The following PEAK1 variants were observed in gnomAD, a reference collection of about 807,000 sequenced individuals.
PEAK1 encodes inactive tyrosine-protein kinase PEAK1.
PEAK1 carries 54 observed loss-of-function variants against 124.7 expected under a neutral mutation model. The ratio of observed to expected loss-of-function variants is 0.43; its 90% confidence interval spans 0.35 to 0.54. The LOEUF (loss-of-function observed/expected upper bound fraction) is 0.54. Ranked by LOEUF, PEAK1 falls within the 20% of genes least tolerant of loss-of-function variation. The pLI, the probability that PEAK1 is intolerant of heterozygous loss-of-function variation, is 0.01. For missense variants in PEAK1, 2,046 were observed against 2,134.5 expected (o/e 0.96, Z 0.82); for synonymous variants, 719 against 760.0 (o/e 0.95, Z 0.89).
At position 77,336,692 on chromosome 15, in the gene PEAK1, G is replaced by A. The variant is rs116074513; in HGVS notation, c.-603+28471C>T. 6.6e-3 allele frequency: 2,233 copies of A among 336,770 alleles called. 59 individuals are homozygous for A. Among genetic ancestry groups the A allele is most frequent in the African/African-American group, 0.047 (2,103 of 44,736 alleles). 20.9% of individuals were successfully genotyped at this position (336,770 alleles called of 1,614,324 possible). The stretch of plus-strand genomic sequence containing the variant: ...ATTATATACCTCTATAAAATAAAAT[G>A]AAGATTATCACTGCAACATTATTAA... On this transcript the variant is annotated intron_variant, in intron 2 of 9. Transcript: ENST00000682557.
At chr15:77,203,710 C>CAAA (rs34002668) in intron 6 of PEAK1, among the ~76,000 whole-genome samples, 9 of 124,330 alleles carry the variant, frequency 7.2e-5, no homozygotes, top group African/African-American at 2.7e-4. Context: ...ACTGGACATC[C>CAAA]AAAAAAAAAA....
chr15:77,178,761 C>T, intron 7 of PEAK1, 29 bp downstream of exon 7: 1 of 1,581,198 alleles, frequency 6.3e-7, no homozygotes, highest in East Asian at 2.2e-5. Flanking sequence ...TTAAAAAATT[C>T]CCATATTCTT....
chr15:77,339,869 T>C (rs2066426940), intron 2 of PEAK1, among the ~76,000 whole-genome samples: 1 of 152,206 alleles, frequency 6.6e-6, no homozygotes, highest in Admixed American at 6.5e-5. Flanking sequence ...AAGATACATA[T>C]ATGAAAAATA....
intron 6 of PEAK1, among the ~76,000 whole-genome samples, chr15:77,185,226 T>C (rs964351500): frequency 1.3e-5 from 2 of 152,226 alleles, no homozygotes; most frequent in Admixed American, 1.3e-4. Context: ...GGGAAGACTA[T>C]GAGTCCATAT....
At chr15:77,419,796 G>C (rs868690850) in intron 1 of PEAK1, among the ~76,000 whole-genome samples, 7 of 148,370 alleles carry the variant, frequency 4.7e-5, no homozygotes, top group African/African-American at 7.3e-5. Flanking sequence ...GGGGGTGGCC[G>C]GGGAGCTAGA....
At chr15:77,174,305 T>C (rs1452222933) in intron 7 of PEAK1, among the ~76,000 whole-genome samples, 1 of 152,236 alleles carries the variant, frequency 6.6e-6, no homozygotes, top group East Asian at 1.9e-4. Flanking sequence ...TCATTCCTTA[T>C]ATACAGTTTA....
At chr15:77,339,671 T>C (rs2066416501) in intron 2 of PEAK1, among the ~76,000 whole-genome samples, 2 of 152,278 alleles carry the variant, frequency 1.3e-5, no homozygotes, top group Non-Finnish European at 2.9e-5. Context: ...TTGGACATCA[T>C]TAAAACTTCT....
At chr15:77,188,426 TAAC>T (rs2057659646) in intron 6 of PEAK1, among the ~76,000 whole-genome samples, 1 of 152,194 alleles carries the variant, frequency 6.6e-6, no homozygotes, top group South Asian at 2.1e-4. Flanking sequence ...ACGAATCAGT[TAAC>T]TACTACTAAT....
intron 5 of PEAK1, among the ~76,000 whole-genome samples, chr15:77,269,243 A>T (rs1347939296): frequency 6.6e-6 from 1 of 152,194 alleles, no homozygotes; most frequent in African/African-American, 2.4e-5. Flanking sequence ...ATAAGAATTC[A>T]GTAACTAAGT....
At chr15:77,381,305 C>T (rs961767328) in intron 1 of PEAK1, 47 of 878,964 alleles carry the variant, frequency 5.3e-5, no homozygotes, top group Non-Finnish European at 1.6e-5. Context: ...GTTCAAGTTA[C>T]GTGGGAGACT....
At chr15:77,357,948 T>G (rs915195573) in intron 2 of PEAK1, among the ~76,000 whole-genome samples, 1 of 152,186 alleles carries the variant, frequency 6.6e-6, no homozygotes, top group Non-Finnish European at 1.5e-5. Flanking sequence ...CCTGTTGCCT[T>G]TTCCCACATA....
chr15:77,138,316 G>C (rs1188264505), intron 8 of PEAK1, among the ~76,000 whole-genome samples: 1 of 152,158 alleles, frequency 6.6e-6, no homozygotes, highest in Non-Finnish European at 1.5e-5. Context: ...AAGTAGCCCT[G>C]GGTGAGTCAC....
chr15:77,377,166 C>T (rs1221201933), intron 1 of PEAK1, among the ~76,000 whole-genome samples: 1 of 152,188 alleles, frequency 6.6e-6, no homozygotes, highest in Non-Finnish European at 1.5e-5. Flanking sequence ...GAGAGGATCA[C>T]TTGAGCCCTG....
chr15:77,382,635 G>A (rs2069578795), intron 1 of PEAK1, among the ~76,000 whole-genome samples: 1 of 152,098 alleles, frequency 6.6e-6, no homozygotes, highest in African/African-American at 2.4e-5. Context: ...CCACATTATA[G>A]GTACTAAAAT....
At chr15:77,323,686 A>G (rs1328772723) in intron 2 of PEAK1, among the ~76,000 whole-genome samples, 1 of 152,184 alleles carries the variant, frequency 6.6e-6, no homozygotes, top group Non-Finnish European at 1.5e-5. Context: ...AAGAATCAAT[A>G]CCATGAAAAT....
At chr15:77,235,135 T>C (rs2060063934) in intron 6 of PEAK1, among the ~76,000 whole-genome samples, 1 of 152,094 alleles carries the variant, frequency 6.6e-6, no homozygotes, top group African/African-American at 2.4e-5. Flanking sequence ...TTCCTTCATA[T>C]ATTACCCAGT....
In PEAK1 at chr15:77,181,674, T is replaced by C; in HGVS notation, c.253A>G (p.Ile85Val). Reference protein sequence around the residue: ...PTMIVADGQSICGELSIQEHC... With the variant: ...PTMIVADGQSVCGELSIQEHC... ...TCTTGGATGCTAAGCTCACCACATATACTTTGCCCATCTGCCACTATCATA... is the reference window on the plus strand; with the variant it reads ...TCTTGGATGCTAAGCTCACCACATACACTTTGCCCATCTGCCACTATCATA... Residue 85 changes from isoleucine to valine, a missense_variant, in exon 7 of 10, where the codon ATA (isoleucine) becomes GTA (valine). Ile to Val is a conservative substitution (Grantham distance 29). Transcript: ENST00000682557. The C allele has an allele frequency of 1.2e-6, 2 of 1,614,174 alleles. No individual in the cohort carries two copies. The highest frequency in any genetic ancestry group is 3.3e-5 in the Admixed American group (2 of 60,000).
intron 1 of PEAK1, among the ~76,000 whole-genome samples, chr15:77,389,329 A>G (rs1232561306): frequency 6.6e-6 from 1 of 152,092 alleles, no homozygotes; most frequent in Non-Finnish European, 1.5e-5. Flanking sequence ...CAGCTTTCTA[A>G]TTCTGAGCAA....
intron 1 of PEAK1, chr15:77,418,014 T>G: frequency 1.0e-6 from 1 of 975,992 alleles, no homozygotes; most frequent in Non-Finnish European, 1.2e-6. Flanking sequence ...AGGAACATAT[T>G]TTTTAATGTG....
Sources: allele counts gnomAD v4.1 joint callset (sites outside exome capture counted in the v4.1 genomes callset), GRCh38; gene constraint gnomAD v4.1.1; transcripts MANE v1.5; gene names NCBI Gene and HGNC (gene_info 2026-07-23, HGNC 2026-07-21).